Variants in PLEKHA5 observed in about 807,000 individuals in gnomAD.
PLEKHA5 encodes the protein pleckstrin homology domain containing A5, also known as pleckstrin homology domain-containing family A member 5.
PLEKHA5 carries 55 observed loss-of-function variants against 181.9 expected under a neutral mutation model. The observed-to-expected ratio is 0.30, with a 90% confidence interval of 0.24 to 0.38. PLEKHA5 has a LOEUF of 0.38. PLEKHA5 is among the 10% of genes least tolerant of loss of function. The pLI, the probability that PLEKHA5 is intolerant of heterozygous loss-of-function variation, is 1.00. For missense variants in PLEKHA5, 1,432 were observed against 1,549.5 expected, an observed-to-expected ratio of 0.92 and a Z score of 1.27; for synonymous variants, 535 against 529.4, an observed-to-expected ratio of 1.01 and a Z score of -0.15.
intron 30 of PLEKHA5, among the ~76,000 whole-genome samples, chr12:19,367,499 C>T (rs746361452): frequency 6.6e-6 from 1 of 151,760 alleles, no homozygotes; most frequent in Non-Finnish European, 1.5e-5. Flanking sequence ...AGGTGATCCA[C>T]CCACCTCAGC....
chr12:19,262,822 C>T (rs1269097228), intron 7 of PLEKHA5, among the ~76,000 whole-genome samples: 7 of 152,086 alleles, frequency 4.6e-5, no homozygotes, highest in African/African-American at 1.2e-4. Context: ...CTCAGCATCA[C>T]GCAATTTACC....
At chr12:19,352,435 G>C (rs2153222928) in intron 25 of PLEKHA5, among the ~76,000 whole-genome samples, 1 of 151,898 alleles carries the variant, frequency 6.6e-6, no homozygotes, top group Admixed American at 6.6e-5. Context: ...AGTACCTATA[G>C]TTAGCTATTG....
chr12:19,295,432 A>T (rs1319903830), intron 15 of PLEKHA5, among the ~76,000 whole-genome samples: 1 of 152,200 alleles, frequency 6.6e-6, no homozygotes, highest in Non-Finnish European at 1.5e-5. Context: ...GGAGGTTGGA[A>T]GTAAATTTCA....
At chr12:19,186,640 G>A (rs566068694) in intron 3 of PLEKHA5, among the ~76,000 whole-genome samples, 2 of 152,182 alleles carry the variant, frequency 1.3e-5, no homozygotes, top group Non-Finnish European at 2.9e-5. Context: ...ATTCCCTCTG[G>A]TCATGTTTTT....
rs2094095127 is a variant in PLEKHA5 at position 19,343,511 on chromosome 12, C to A, written c.2662+77C>A. 41 of 816,946 alleles carry A rather than the reference C, an allele frequency of 5.0e-5. 2 individuals carry two copies. In the South Asian group the frequency reaches 5.8e-4, roughly 12 times the overall value. The allele number at this position is 816,946 out of a possible 1,614,324, so 50.6% of individuals were successfully genotyped here. ...GTGTCGCTTGGTGACAGATTACATT[C>A]TGAGAAATGCATTGTTAGGTGATTG... On this transcript the variant is annotated intron_variant, in intron 22 of 31. Transcript: ENST00000429027.
intron 20 of PLEKHA5, among the ~76,000 whole-genome samples, chr12:19,334,927 T>C (rs2417778): frequency 0.59 from 44,773 of 76,104 alleles, 16,447 homozygotes; most frequent in Non-Finnish European, 0.83. Flanking sequence ...ATGGCACACA[T>C]CTGTTTTCCC....
chr12:19,268,322 A>G (rs10841196), intron 8 of PLEKHA5, among the ~76,000 whole-genome samples: 103,869 of 152,090 alleles, frequency 0.68, 37,863 homozygotes, highest in Non-Finnish European at 0.82. Flanking sequence ...AATGTTTATC[A>G]ATTTATGCTA....
In PLEKHA5 at chr12:19,147,693, C is replaced by T. The variant is rs141284777; in HGVS notation, c.227+15243C>T. On this transcript the variant is annotated intron_variant, in intron 3 of 31. Transcript: ENST00000429027. ...GAGAGAGAAGTAAAAGAAACTTATG[C>T]CTCAAATTGGGATTGCAACTGTATA... 5.3e-5 allele frequency among the ~76,000 whole-genome samples: 8 copies of T among 151,180 alleles called. No homozygotes were observed. In the East Asian group the frequency reaches 1.6e-3, roughly 29 times the overall value.
chr12:19,353,807 A>C, intron 25 of PLEKHA5, 77 bp from the exon 26 acceptor site: 1 of 760,696 alleles, frequency 1.3e-6, no homozygotes, highest in Non-Finnish European at 2.3e-6. Context: ...AAAAAGTGTC[A>C]GAAATTAAGT....
chr12:19,241,689 G>A (rs1160909734), intron 3 of PLEKHA5, among the ~76,000 whole-genome samples: 2 of 151,480 alleles, frequency 1.3e-5, no homozygotes, highest in African/African-American at 4.9e-5. Flanking sequence ...CCAGGAGTTA[G>A]AGGTTGCAGT....
At chr12:19,371,834 G>A (rs767451378) in intron 31 of PLEKHA5, 5 of 152,090 alleles carry the variant, frequency 3.3e-5, no homozygotes, top group African/African-American at 4.8e-5. Context: ...CTCAGTAGTG[G>A]GATTGCTGGA....
chr12:19,291,538 T>A, intron 14 of PLEKHA5, 106 bp from the exon 15 acceptor site: 2 of 656,280 alleles, frequency 3.0e-6, no homozygotes. Flanking sequence ...TACTGTGATA[T>A]AATAGGTTGT....
At chr12:19,313,560 G>A (rs184312932) in intron 15 of PLEKHA5, among the ~76,000 whole-genome samples, 1 of 152,104 alleles carries the variant, frequency 6.6e-6, no homozygotes, top group Non-Finnish European at 1.5e-5. Flanking sequence ...AAAAGTCGTT[G>A]ATGTATAACT....
chr12:19,139,686 C>A (rs761251487), intron 3 of PLEKHA5, among the ~76,000 whole-genome samples: 3 of 152,128 alleles, frequency 2.0e-5, no homozygotes, highest in Non-Finnish European at 4.4e-5. Context: ...TGAAGAATAT[C>A]TAATGTTTTG....
intron 26 of PLEKHA5, among the ~76,000 whole-genome samples, chr12:19,357,555 CT>C (rs1486646963): frequency 1.3e-5 from 2 of 151,672 alleles, no homozygotes; most frequent in Admixed American, 6.6e-5. Flanking sequence ...CTGCCCTGCC[CT>C]TTTATGGTGG....
intron 3 of PLEKHA5, among the ~76,000 whole-genome samples, chr12:19,224,243 G>A (rs961412534): frequency 6.6e-6 from 1 of 152,174 alleles, no homozygotes; most frequent in Non-Finnish European, 1.5e-5. Context: ...TGCGGATACT[G>A]CTTAGGATGA....
At chr12:19,362,185 A>C (rs1056388218) in intron 29 of PLEKHA5, among the ~76,000 whole-genome samples, 22 of 151,192 alleles carry the variant, frequency 1.5e-4, no homozygotes, top group African/African-American at 4.1e-4. Context: ...AAAAAAAAAA[A>C]AAAAAAGGCA....
chr12:19,369,869 T>G, intron 31 of PLEKHA5, 71 bp downstream of exon 31: 1 of 898,640 alleles, frequency 1.1e-6, no homozygotes. Flanking sequence ...GTTGGTTTAG[T>G]GAATCAAAAC....
intron 3 of PLEKHA5, among the ~76,000 whole-genome samples, chr12:19,218,621 A>G (rs558501009): frequency 1.3e-5 from 2 of 152,260 alleles, no homozygotes; most frequent in South Asian, 4.1e-4. Context: ...ATGTTTCTCC[A>G]TAAAATATTT....
Sources: allele counts gnomAD v4.1 joint callset (sites outside exome capture counted in the v4.1 genomes callset), GRCh38; gene constraint gnomAD v4.1.1; transcripts MANE v1.5; gene names NCBI Gene and HGNC (gene_info 2026-07-23, HGNC 2026-07-21).